Variants in PCSK5 observed in about 807,000 individuals in gnomAD.
PCSK5 encodes the protein proprotein convertase subtilisin/kexin type 5, also known as prohormone convertase 5.
In PCSK5, 129 loss-of-function variants were observed where a neutral mutation model predicts 233.2. The ratio of observed to expected loss-of-function variants is 0.55; its 90% confidence interval spans 0.48 to 0.64. The LOEUF (loss-of-function observed/expected upper bound fraction) is 0.64. Among genes scored for constraint, PCSK5 ranks in the 30% least tolerant of loss-of-function variants. PCSK5 has a pLI of 0.00. For synonymous variants in PCSK5, 825 were observed against 879.2 expected (o/e 0.94, Z 1.09); for missense variants, 2,076 against 2,430.1 (o/e 0.85, Z 3.06).
At chr9:76,175,314 A>ATCGAATCGAATCGAATCGAATCGAAT in intron 14 of PCSK5, 185 bp downstream of exon 14, 2 of 597,274 alleles carry the variant, frequency 3.3e-6, no homozygotes. Context: ...ATAGAATAGA[A>ATCGAATCGAATCGAATCGAATCGAAT]CAGAACAGAA....
intron 24 of PCSK5, among the ~76,000 whole-genome samples, chr9:76,254,845 T>C (rs1826928166): frequency 6.6e-6 from 1 of 152,256 alleles, no homozygotes; most frequent in South Asian, 2.1e-4. Context: ...GCTCCTAAGC[T>C]GCTCACATGC....
intron 2 of PCSK5, among the ~76,000 whole-genome samples, chr9:75,979,348 C>T (rs572812753): frequency 1.9e-4 from 29 of 152,130 alleles, no homozygotes; most frequent in Non-Finnish European, 3.2e-4. Context: ...CCTAGGGCCT[C>T]ATGCTTTAGA....
chr9:75,914,132 C>T (rs1300749095), intron 1 of PCSK5, among the ~76,000 whole-genome samples: 1 of 152,104 alleles, frequency 6.6e-6, no homozygotes, highest in Non-Finnish European at 1.5e-5. Context: ...TCATCATGTA[C>T]CTGGAATGGC....
intron 20 of PCSK5, among the ~76,000 whole-genome samples, chr9:76,217,056 T>C (rs964043634): frequency 1.3e-5 from 2 of 152,006 alleles, no homozygotes; most frequent in African/African-American, 4.8e-5. Flanking sequence ...GCCAGGCTGG[T>C]CTCAGATCCA....
intron 5 of PCSK5, among the ~76,000 whole-genome samples, chr9:76,032,591 G>GC (rs1457989055): frequency 6.6e-6 from 1 of 152,122 alleles, no homozygotes; most frequent in African/African-American, 2.4e-5. Context: ...AATAACTGAT[G>GC]CTAAAGAAAT....
intron 10 of PCSK5, among the ~76,000 whole-genome samples, chr9:76,156,479 T>C (rs1822589908): frequency 6.6e-6 from 1 of 152,246 alleles, no homozygotes; most frequent in African/African-American, 2.4e-5. Flanking sequence ...TTACTAGATA[T>C]GTCAGAACGT....
At chr9:75,939,883 G>C (rs1308809266) in intron 2 of PCSK5, among the ~76,000 whole-genome samples, 1 of 152,182 alleles carries the variant, frequency 6.6e-6, no homozygotes, top group South Asian at 2.1e-4. Flanking sequence ...TCCCTCCGAT[G>C]AGTAAGCAAT....
chr9:75,902,241 AAAG>A (rs1300210695), intron 1 of PCSK5, among the ~76,000 whole-genome samples: 8 of 138,894 alleles, frequency 5.8e-5, no homozygotes, highest in African/African-American at 2.6e-4. Flanking sequence ...AAAAAAAAAA[AAAG>A]AAAAGGACAA....
rs546353155 is a variant in PCSK5 at position 76,054,867 on chromosome 9, ATACTT to A, written c.633-13085_633-13081del. ...TGTGTGTATGTGTGTGTGTCAGACAATACTTTAACTCACCATAAGAAATATTTTCT... is the reference window on the plus strand; with the variant it reads ...TGTGTGTATGTGTGTGTGTCAGACAATAACTCACCATAAGAAATATTTTCT... On this transcript the variant is annotated intron_variant, in intron 5 of 37. Coordinates refer to ENST00000674117, the MANE Select transcript of PCSK5 (RefSeq NM_001372043.1). 2.0e-5 allele frequency among the ~76,000 whole-genome samples: 3 copies of A among 152,280 alleles called. No individual in the cohort carries two copies. The South Asian group carries it at 6.2e-4, about 32-fold the overall frequency.
At chr9:76,222,461 C>T (rs1451280894) in intron 20 of PCSK5, among the ~76,000 whole-genome samples, 1 of 152,176 alleles carries the variant, frequency 6.6e-6, no homozygotes, top group African/African-American at 2.4e-5. Flanking sequence ...AGACCTTCAT[C>T]ATCTTCTTCC....
intron 14 of PCSK5, among the ~76,000 whole-genome samples, chr9:76,176,836 T>C (rs1488084394): frequency 1.3e-5 from 2 of 152,196 alleles, no homozygotes; most frequent in Admixed American, 1.3e-4. Context: ...TCTGGGATGG[T>C]TTAGGTATTA....
At chr9:76,231,883 A>G (rs934406549) in intron 21 of PCSK5, among the ~76,000 whole-genome samples, 101 of 152,180 alleles carry the variant, frequency 6.6e-4, no homozygotes, top group South Asian at 2.1e-4. Flanking sequence ...TGTTCATTCA[A>G]TGGTGCTGCG....
chr9:76,214,016 C>A (rs1475111699), intron 20 of PCSK5, among the ~76,000 whole-genome samples: 1 of 151,980 alleles, frequency 6.6e-6, no homozygotes, highest in Non-Finnish European at 1.5e-5. Context: ...AGTGAGGCCA[C>A]GGAGACCCCA....
At chr9:76,083,313 T>C (rs1184564967) in intron 7 of PCSK5, among the ~76,000 whole-genome samples, 2 of 152,072 alleles carry the variant, frequency 1.3e-5, no homozygotes, top group Non-Finnish European at 2.9e-5. Context: ...AATCATGCAG[T>C]TTTTTGTAGA....
At chr9:76,261,872 C>T (rs1359259722) in intron 24 of PCSK5, among the ~76,000 whole-genome samples, 1 of 152,142 alleles carries the variant, frequency 6.6e-6, no homozygotes, top group Non-Finnish European at 1.5e-5. Flanking sequence ...TGAGACTTTG[C>T]TGAAGTTGCT....
At chr9:75,935,963 T>C (rs1824037341) in intron 2 of PCSK5, among the ~76,000 whole-genome samples, 1 of 152,194 alleles carries the variant, frequency 6.6e-6, no homozygotes, top group Non-Finnish European at 1.5e-5. Flanking sequence ...TCAGAGATAG[T>C]GCAGTTTGGT....
At chr9:76,119,296 AT>A (rs1266721388) in intron 9 of PCSK5, among the ~76,000 whole-genome samples, 17 of 151,922 alleles carry the variant, frequency 1.1e-4, no homozygotes, top group African/African-American at 3.9e-4. Flanking sequence ...TTAATTTTTC[AT>A]TTGCTTTTAG....
chr9:76,152,905 TC>T (rs758107992), intron 10 of PCSK5, among the ~76,000 whole-genome samples: 6 of 152,206 alleles, frequency 3.9e-5, no homozygotes, highest in East Asian at 1.9e-4. Context: ...TCTCAGCACT[TC>T]CGGTCTCATC....
chr9:76,184,679 A>C lies in PCSK5; in HGVS notation c.2204A>C (p.Asn735Thr), dbSNP rs752710092. The C allele has an allele frequency of 3.7e-6, 6 of 1,605,458 alleles. No individual in the cohort carries two copies. Among genetic ancestry groups the C allele is most frequent in the Admixed American group, 1.7e-5 (1 of 59,750 alleles). Residue 735 changes from asparagine (N) to threonine (T), a missense_variant, in exon 17 of 38, where the codon AAT becomes ACT. By Grantham distance (65) the Asn-to-Thr change is moderately conservative. This residue lies in a region of PCSK5 where 1,510 missense variants were observed against 1,538.1 expected (regional missense o/e 0.98). Coordinates refer to ENST00000674117, the MANE Select transcript of PCSK5 (RefSeq NM_001372043.1). ...TTTCTCTTTTTTTTAACAGAGAAAAATCTTTGCCGGAAATGCAGTGAAAAC... is the reference window on the plus strand; with the variant it reads ...TTTCTCTTTTTTTTAACAGAGAAAACTCTTTGCCGGAAATGCAGTGAAAAC... ...PDGSYQDTKK[N>T]LCRKCSENCK...
Sources: allele counts gnomAD v4.1 joint callset (sites outside exome capture counted in the v4.1 genomes callset), GRCh38; gene constraint gnomAD v4.1.1; regional missense constraint gnomAD v4.1.1; transcripts MANE v1.5; gene names NCBI Gene and HGNC (gene_info 2026-07-23, HGNC 2026-07-21).